BPIFB1: variants seen among roughly 807,000 people sequenced by gnomAD.
The protein encoded by BPIFB1 is BPI fold-containing family B member 1.
A neutral mutation model predicts 55.1 loss-of-function variants in BPIFB1; 34 were observed. That is an observed-to-expected ratio of 0.62 (90% confidence interval 0.47 to 0.82). The LOEUF is 0.82. BPIFB1 is among the 40% of genes least tolerant of loss of function. The pLI is 0.00. For synonymous variants in BPIFB1, 236 were observed against 245.3 expected, an observed-to-expected ratio of 0.96 and a Z score of 0.35; for missense variants, 532 against 593.1, an observed-to-expected ratio of 0.90 and a Z score of 1.07.
chr20:33,306,258 G>A (rs1281825370), intron 14 of BPIFB1, among the ~76,000 whole-genome samples, 193 bp downstream of exon 14: 1 of 152,190 alleles, frequency 6.6e-6, no homozygotes, highest in African/African-American at 2.4e-5. Context: ...GGCTCGTAAA[G>A]ATGAACCAAG....
chr20:33,297,243 C>T (rs1213449500), intron 6 of BPIFB1, among the ~76,000 whole-genome samples: 2 of 152,242 alleles, frequency 1.3e-5, no homozygotes, highest in Non-Finnish European at 2.9e-5. Flanking sequence ...TCATGGAAAA[C>T]ATAGACACCT....
chr20:33,284,842 C>T (rs984087809), intron 1 of BPIFB1, among the ~76,000 whole-genome samples: 2 of 152,196 alleles, frequency 1.3e-5, no homozygotes, highest in Non-Finnish European at 2.9e-5. Flanking sequence ...CCCCCAAGCT[C>T]CTCTCCCTGG....
At position 33,306,726 on chromosome 20, in the gene BPIFB1, G is replaced by A. The variant is rs954817693; in HGVS notation, c.1319-185G>A. On this transcript the variant is annotated intron_variant, in intron 14 of 15. Coordinates refer to ENST00000253354, the MANE Select transcript of BPIFB1 (RefSeq NM_033197.3). Reference sequence around the variant, plus strand: ...TGTGAGGGGCCAGAAGCCAGTGCCAGAGGCAAAGGGAGGGTAGACGAGGCT... The same window carrying A: ...TGTGAGGGGCCAGAAGCCAGTGCCAAAGGCAAAGGGAGGGTAGACGAGGCT... 4.9e-5 allele frequency: 30 copies of A among 607,288 alleles called. No individual in the cohort carries two copies. In the South Asian group the frequency reaches 5.6e-4, roughly 11 times the overall value. 37.6% of individuals were successfully genotyped at this position (607,288 alleles called of 1,614,324 possible). A position where few individuals can be genotyped will look rare whatever the true frequency, so the allele number is the denominator to read the frequency against.
chr20:33,308,449 T>TAC (rs112343891), intron 15 of BPIFB1, among the ~76,000 whole-genome samples: 8,164 of 150,910 alleles, frequency 0.054, 393 homozygotes, highest in African/African-American at 0.13. Flanking sequence ...CACACACACA[T>TAC]ATACACACAC....
In BPIFB1 at chr20:33,286,873, G is replaced by A. The variant is rs190231755; in HGVS notation, c.115+685G>A. 2.6e-5 allele frequency among the ~76,000 whole-genome samples: 4 copies of A among 152,278 alleles called. No individual in the cohort carries two copies. In the East Asian group the frequency reaches 7.7e-4, roughly 29 times the overall value. On this transcript the variant is annotated intron_variant, in intron 2 of 15. Transcript: ENST00000253354. ...CAGACATTGACAAATATCTCTTAGG[G>A]GACAAAATCATCTCAGTGGAGAACG...
At chr20:33,306,153 C>A in intron 14 of BPIFB1, 88 bp downstream of exon 14, 1 of 1,358,630 alleles carries the variant, frequency 7.4e-7, no homozygotes, top group Non-Finnish European at 1.1e-6. Context: ...GGGCCCCTTT[C>A]ATTCATCTCC....
chr20:33,287,446 A>G (rs150083255), intron 2 of BPIFB1, among the ~76,000 whole-genome samples: 180 of 152,346 alleles, frequency 1.2e-3, no homozygotes, highest in African/African-American at 4.0e-3. Context: ...GTAAAGAAGT[A>G]TTACCAGGGG....
rs75278172 is a variant in BPIFB1 at position 33,303,512 on chromosome 20, A to G, written c.1140+438A>G. The stretch of plus-strand genomic sequence containing the variant: ...AGGCTCATATCCTATCAGCTTGGCA[A>G]TCACCGCAGGAAGAACCTATCTTTC... On this transcript the variant is annotated intron_variant, in intron 11 of 15. Transcript: ENST00000253354. 3.3e-3 allele frequency among the ~76,000 whole-genome samples: 502 copies of G among 152,234 alleles called. 4 individuals are homozygous for G. Among genetic ancestry groups the G allele is most frequent in the Middle Eastern group, 0.024 (7 of 294 alleles).
rs146566504 is a variant in BPIFB1, at chr20:33,305,830, C to G, written c.1255-172C>G. ...GGGGCGGCTGAGTTCATGCCCCAAC[C>G]CAGCCCATCTGGTCCCTGGGAGCCC... is the stretch of plus-strand genomic sequence containing the variant. On this transcript the variant is annotated intron_variant, in intron 13 of 15. Coordinates refer to ENST00000253354, the MANE Select transcript of BPIFB1 (RefSeq NM_033197.3). 3.0e-3 allele frequency among the ~76,000 whole-genome samples: 462 copies of G among 152,206 alleles called. 3 individuals are homozygous for G. Among genetic ancestry groups the G allele is most frequent in the South Asian group, 0.022 (107 of 4,820 alleles).
At chr20:33,305,004 TG>T in intron 13 of BPIFB1, 113 bp downstream of exon 13, 1 of 1,236,948 alleles carries the variant, frequency 8.1e-7, no homozygotes, top group South Asian at 1.3e-5. Context: ...AGAAGCACCA[TG>T]GGGGGCTGGC....
At chr20:33,306,118 T>A (rs1981018752) in intron 14 of BPIFB1, 53 bp downstream of exon 14, 1 of 1,586,578 alleles carries the variant, frequency 6.3e-7, no homozygotes, top group South Asian at 1.1e-5. Context: ...TGGCTTTACT[T>A]CCCCTGCCCT....
At chr20:33,299,803 A>C in intron 7 of BPIFB1, 96 bp from the exon 8 acceptor site, 12 of 662,584 alleles carry the variant, frequency 1.8e-5, no homozygotes, top group African/African-American at 1.8e-5. Context: ...CTGCCCCCCC[A>C]TGCAACAGTA....
chr20:33,286,012 G>A (rs1252334841), intron 1 of BPIFB1, 21 bp from the exon 2 acceptor site: 1 of 1,528,518 alleles, frequency 6.5e-7, no homozygotes, highest in African/African-American at 1.4e-5. Flanking sequence ...TCTGCCTCAG[G>A]TCCCTCTGTG....
rs779627546 is a variant in BPIFB1, at chr20:33,301,376, C to T, written c.891C>T (p.Leu297=). The T allele has an allele frequency of 1.2e-6, 2 of 1,614,004 alleles. No homozygotes were observed. Among genetic ancestry groups the T allele is most frequent in the African/African-American group, 1.3e-5 (1 of 74,920 alleles). ...DVVKAAVAAV[L]SPEEFMVLLD... ...TGAAAGCTGCAGTGGCTGCTGTGCT[C>T]TCTCCAGAAGAATTCATGGTCCTGT... The change falls in exon 9 of 16, where the codon CTC becomes CTT. Residue 297 remains leucine, a synonymous_variant. Transcript: ENST00000253354.
rs34578060 is a variant in BPIFB1 at position 33,291,009 on chromosome 20, A to G, written c.418A>G (p.Thr140Ala). The change falls in exon 5 of 16, where the codon ACC becomes GCC. Residue 140 changes from threonine (T) to alanine (A), a missense_variant. Thr to Ala is a moderately conservative substitution (Grantham distance 58, BLOSUM62 0). Transcript: ENST00000253354. The stretch of plus-strand genomic sequence containing the variant: ...CCACATGACGACTGAGGCCCAAGCC[A>G]CCATCCGCATGGACACCAGTGCAAG... ...EFHMTTEAQA[T>A]IRMDTSASGP... 4,638 of 1,613,926 alleles carry G rather than the reference A, an allele frequency of 2.9e-3. 109 individuals are homozygous for G. The African/African-American group carries it at 0.05, about 17-fold the overall frequency.
chr20:33,286,801 A>G (rs551036937), intron 2 of BPIFB1, among the ~76,000 whole-genome samples: 76 of 152,300 alleles, frequency 5.0e-4, no homozygotes, highest in African/African-American at 1.8e-3. Flanking sequence ...GCACTTTAGG[A>G]TGTTTAACAG....
In BPIFB1 at chr20:33,287,240, T is replaced by C. The variant is rs116605550; in HGVS notation, c.115+1052T>C. Among the ~76,000 whole-genome samples, 1,233 of 152,292 alleles carry C rather than the reference T, an allele frequency of 8.1e-3. 13 individuals carry two copies. Among genetic ancestry groups the C allele is most frequent in the African/African-American group, 0.028 (1,169 of 41,558 alleles). ...TAAGGAGTTGTGTACAAGTGGTTGG[T>C]TTTGAAGGTGACCCCAGAAACACCT... On this transcript the variant is annotated intron_variant, in intron 2 of 15. Coordinates refer to ENST00000253354, the MANE Select transcript of BPIFB1 (RefSeq NM_033197.3).
At chr20:33,307,136 G>A (rs1270911337) in intron 15 of BPIFB1, 149 bp downstream of exon 15, 7 of 658,728 alleles carry the variant, frequency 1.1e-5, no homozygotes, top group Non-Finnish European at 1.9e-5. Context: ...CTCCTCATCT[G>A]CAAGTGAGAA....
intron 4 of BPIFB1, 51 bp downstream of exon 4, chr20:33,290,043 G>T: frequency 7.1e-7 from 1 of 1,409,914 alleles, no homozygotes; most frequent in Non-Finnish European, 1.0e-6. Flanking sequence ...TCATCTGCTC[G>T]TTCCCCCTCC....
Sources: allele counts gnomAD v4.1 joint callset (sites outside exome capture counted in the v4.1 genomes callset), GRCh38; gene constraint gnomAD v4.1.1; transcripts MANE v1.5; gene names NCBI Gene and HGNC (gene_info 2026-07-23, HGNC 2026-07-21).